Variants in EMP3 observed in about 807,000 individuals in gnomAD.
The protein encoded by EMP3 is epithelial membrane protein 3 (MAM blood group).
A neutral mutation model predicts 21.6 loss-of-function variants in EMP3; 15 were observed. The ratio of observed to expected loss-of-function variants is 0.69; its 90% CI spans 0.46 to 1.07. The LOEUF (loss-of-function observed/expected upper bound fraction) is 1.07, where lower values mean the gene tolerates loss of function less well. Among genes scored for constraint, EMP3 ranks in the 50% least tolerant of loss-of-function variants. The pLI is 0.00. For synonymous variants in EMP3, 107 were observed against 86.1 expected (o/e 1.24, Z -1.34); for missense variants, 183 against 206.6 (o/e 0.89, Z 0.70).
intron 1 of EMP3, among the ~76,000 whole-genome samples, chr19:48,326,427 G>T (rs1053538368): frequency 6.6e-6 from 1 of 151,900 alleles, no homozygotes; most frequent in Non-Finnish European, 1.5e-5. Flanking sequence ...TCCTCCCTGA[G>T]AGACCCAGGA....
chr19:48,327,639 G>A lies in EMP3; in HGVS notation c.181+16G>A, dbSNP rs752917182. 6 of 1,607,280 alleles carry A rather than the reference G, an allele frequency of 3.7e-6. No homozygotes were observed. The highest frequency in any genetic ancestry group is 1.1e-5 in the South Asian group (1 of 90,340). On this transcript the variant is annotated intron_variant, in intron 3 of 4. Transcript: ENST00000270221. ...AGCGAGAATGGTGAGGGGTGAGGGC[G>A]GCGGGACTGGTCTTCAAAGGGGAAG...
chr19:48,330,163 CG>C lies in EMP3; in HGVS notation c.323-131del, dbSNP rs138520439. ...CGCGCTACAGTTGCACGGCGCTGGG[CG>C]GGGGGGAAAGAACCACAACTCCCAG... On this transcript the variant is annotated intron_variant, in intron 4 of 4. Transcript: ENST00000270221. The C allele has an allele frequency of 3.1e-5, 39 of 1,261,134 alleles. 1 individual carries two copies. The highest frequency in any genetic ancestry group is 1.8e-4 in the South Asian group (11 of 61,738). The allele number at this position is 1,261,134 out of a possible 1,614,324, so 78.1% of individuals were successfully genotyped here.
Position 48,330,494 on chromosome 19 carries a change from C to T in EMP3, c.*24C>T, listed in dbSNP as rs12610655. 6.5e-7 allele frequency: 1 copy of T among 1,545,710 alleles called. No individual in the cohort carries two copies. The highest frequency in any genetic ancestry group is 8.7e-7 in the Non-Finnish European group (1 of 1,155,162). The stretch of plus-strand genomic sequence containing the variant: ...GAGCGCCCCGCCTCGCTCGGCTGCC[C>T]CCGCCCCTTCCCGGCCCCCCTCGCC... On this transcript the variant is annotated 3_prime_UTR_variant, in exon 5 of 5. Coordinates refer to ENST00000270221, the MANE Select transcript of EMP3 (RefSeq NM_001425.3).
At chr19:48,326,795 C>T in intron 1 of EMP3, 35 bp from the exon 2 acceptor site, 1 of 1,585,162 alleles carries the variant, frequency 6.3e-7, no homozygotes, top group Non-Finnish European at 8.7e-7. Context: ...CTGTGCCAAC[C>T]TCTTGAGACT....
intron 3 of EMP3, chr19:48,327,858 A>C (rs1223337052): frequency 1.0e-5 from 5 of 496,010 alleles, no homozygotes; most frequent in Non-Finnish European, 3.7e-6. Flanking sequence ...CCCAGGCTGG[A>C]GTGCAGTGGC....
At position 48,329,777 on chromosome 19, in the gene EMP3, T is replaced by C. The variant is rs2147346578; in HGVS notation, c.322+285T>C. On this transcript the variant is annotated intron_variant, in intron 4 of 4. Coordinates refer to ENST00000270221, the MANE Select transcript of EMP3 (RefSeq NM_001425.3). This position sits in a 1 kb window ranked among gnomAD's most constrained non-coding sequence, Gnocchi z 4.5. ...GGCTGGGGAAGGAGGTATAGGTAAA[T>C]AGTTTTGGTCCCAGGGATCGGCCGT... Among the ~76,000 whole-genome samples the C allele has an allele frequency of 6.6e-6, 1 of 152,122 alleles. No individual in the cohort carries two copies. The highest frequency in any genetic ancestry group is 6.5e-5 in the Admixed American group (1 of 15,278).
intron 3 of EMP3, chr19:48,327,853 G>T: frequency 2.0e-6 from 1 of 507,478 alleles, no homozygotes; most frequent in Non-Finnish European, 3.6e-6. Flanking sequence ...GGTTGCCCAG[G>T]CTGGAGTGCA....
chr19:48,330,403 C>T lies in EMP3; in HGVS notation c.425C>T (p.Ala142Val), dbSNP rs1969189533. 1.2e-6 allele frequency: 2 copies of T among 1,604,666 alleles called. No homozygotes were observed. The highest frequency in any genetic ancestry group is 2.2e-5 in the South Asian group (2 of 90,198). Reference sequence around the variant, plus strand: ...AGCTTCGGATACTGCTTCGCCCTGGCCTGGGTGGCCTTCCCCCTCGCCCTG... The same window carrying T: ...AGCTTCGGATACTGCTTCGCCCTGGTCTGGGTGGCCTTCCCCCTCGCCCTG... ...GGSFGYCFALAWVAFPLALVS... is the reference protein window; with the variant it reads ...GGSFGYCFALVWVAFPLALVS... Residue 142 changes from alanine (A) to valine (V), a missense_variant, in exon 5 of 5, where the codon GCC (alanine) becomes GTC (valine). By Grantham distance (64) the Ala-to-Val change is moderately conservative (BLOSUM62 0). Coordinates refer to ENST00000270221, the MANE Select transcript of EMP3 (RefSeq NM_001425.3).
Position 48,327,641 on chromosome 19 carries a change from C to CG in EMP3, c.181+21dup. 1 of 1,605,088 alleles carries CG rather than the reference C, an allele frequency of 6.2e-7. No homozygotes were observed. The highest frequency in any genetic ancestry group is 8.5e-7 in the Non-Finnish European group (1 of 1,173,358). On this transcript the variant is annotated intron_variant, in intron 3 of 4. Coordinates refer to ENST00000270221, the MANE Select transcript of EMP3 (RefSeq NM_001425.3). ...CGAGAATGGTGAGGGGTGAGGGCGG[C>CG]GGGACTGGTCTTCAAAGGGGAAGGT...
chr19:48,326,775 T>C, intron 1 of EMP3, 55 bp from the exon 2 acceptor site: 2 of 1,465,410 alleles, frequency 1.4e-6, no homozygotes, highest in East Asian at 2.3e-5. Context: ...TAGGCGTGAG[T>C]GTGCCTGGCC....
intron 3 of EMP3, among the ~76,000 whole-genome samples, chr19:48,328,500 G>A (rs1393597553): frequency 6.6e-6 from 1 of 152,080 alleles, no homozygotes; most frequent in African/African-American, 2.4e-5. Flanking sequence ...AAGGAGATGG[G>A]GCTGGTGCTC....
chr19:48,329,643 C>A lies in EMP3; in HGVS notation c.322+151C>A. The stretch of plus-strand genomic sequence containing the variant: ...GAGCCACAAGAGGTGCCTCCGTGGG[C>A]TACATCTCTGCCCCCAGGGATTGCT... On this transcript the variant is annotated intron_variant, in intron 4 of 4. Coordinates refer to ENST00000270221, the MANE Select transcript of EMP3 (RefSeq NM_001425.3). This position sits in a 1 kb window ranked among gnomAD's most constrained non-coding sequence, Gnocchi z 4.5. 1.0e-6 allele frequency: 1 copy of A among 993,542 alleles called. No individual in the cohort carries two copies. The highest frequency in any genetic ancestry group is 1.5e-6 in the Non-Finnish European group (1 of 681,614). 61.5% of individuals were successfully genotyped at this position (993,542 alleles called of 1,614,324 possible).
At chr19:48,327,857 G>A (rs1969150235) in intron 3 of EMP3, 1 of 496,956 alleles carries the variant, frequency 2.0e-6, no homozygotes, top group Admixed American at 3.4e-5. Context: ...GCCCAGGCTG[G>A]AGTGCAGTGG....
chr19:48,328,368 C>T (rs1430564195), intron 3 of EMP3, among the ~76,000 whole-genome samples: 6 of 137,520 alleles, frequency 4.4e-5, no homozygotes, highest in African/African-American at 1.7e-4. Flanking sequence ...GCTGAGATTG[C>T]ACTACTGCAC....
At position 48,329,582 on chromosome 19, in the gene EMP3, GCCTCTCGT is replaced by G; in HGVS notation, c.322+91_322+98del. ...AAGATGCTGGGGGCCCTGAGAATGG[GCCTCTCGT>G]AGAAAAAAACAACTTTCAACACCCC... On this transcript the variant is annotated intron_variant, in intron 4 of 4. Coordinates refer to ENST00000270221, the MANE Select transcript of EMP3 (RefSeq NM_001425.3). This position sits in a 1 kb window ranked among gnomAD's most constrained non-coding sequence, Gnocchi z 4.5. 6.5e-7 allele frequency: 1 copy of G among 1,527,410 alleles called. No individual in the cohort carries two copies. Among genetic ancestry groups the G allele is most frequent in the African/African-American group, 1.4e-5 (1 of 72,546 alleles). 94.6% of individuals were successfully genotyped at this position (1,527,410 alleles called of 1,614,324 possible).
chr19:48,328,313 G>C (rs969375980), intron 3 of EMP3, among the ~76,000 whole-genome samples: 7 of 150,766 alleles, frequency 4.6e-5, no homozygotes, highest in African/African-American at 1.7e-4. Context: ...TTGGGAGGCT[G>C]AGGCAGAAGA....
chr19:48,330,194 C>CAGCGG lies in EMP3; in HGVS notation c.323-106_323-102dup. 6 of 1,434,114 alleles carry CAGCGG rather than the reference C, an allele frequency of 4.2e-6. No homozygotes were observed. In the South Asian group the frequency reaches 8.9e-5, roughly 21 times the overall value. The allele number at this position is 1,434,114 out of a possible 1,614,324, so 88.8% of individuals were successfully genotyped here. ...GGAAAGAACCACAACTCCCAGCAGG[C>CAGCGG]AGCGGCGCTGCCCACGGGCCCTCCG... On this transcript the variant is annotated intron_variant, in intron 4 of 4. Transcript: ENST00000270221.
At chr19:48,327,874 C>T in intron 3 of EMP3, 2 of 459,620 alleles carry the variant, frequency 4.4e-6, no homozygotes, top group African/African-American at 2.0e-5. Context: ...GTGGCGCAAT[C>T]TTGGCTCACT....
rs1461674394 is a variant in EMP3 at position 48,329,703 on chromosome 19, T to C, written c.322+211T>C. On this transcript the variant is annotated intron_variant, in intron 4 of 4. Transcript: ENST00000270221. The surrounding 1 kb of genome is among the most constrained non-coding windows in gnomAD (Gnocchi z 4.5). ...AGTTTTCAGTGGCTAATGATAGTTA[T>C]GGCTTGTGCGTATGAGTCATCAGGG... 1.3e-5 allele frequency among the ~76,000 whole-genome samples: 2 copies of C among 152,142 alleles called. No individual in the cohort carries two copies. Among genetic ancestry groups the C allele is most frequent in the Non-Finnish European group, 1.5e-5 (1 of 68,020 alleles).
Sources: gnomAD v4.1 joint callset for allele counts (sites outside exome capture counted in the v4.1 genomes callset) on GRCh38, gnomAD v4.1.1 for gene constraint, Gnocchi (gnomAD v3.1) non-coding constraint, MANE v1.5 for transcripts, NCBI Gene and HGNC (gene_info 2026-07-23, HGNC 2026-07-21) for gene names.